KCNK10: variants seen among roughly 807,000 people sequenced by gnomAD.
The protein encoded by KCNK10 is potassium two pore domain channel subfamily K member 10, also known as potassium channel subfamily K member 10.
Under a neutral mutation model 47.7 loss-of-function variants are expected in KCNK10, and 25 were observed. That is an observed-to-expected ratio of 0.52 (90% CI 0.38 to 0.73). KCNK10 has a LOEUF of 0.73. Ranked by LOEUF, KCNK10 falls within the 30% of genes least tolerant of loss-of-function variation. The pLI is 0.00. For synonymous variants in KCNK10, 303 were observed against 285.6 expected, an observed-to-expected ratio of 1.06 and a Z score of -0.61; for missense variants, 563 against 714.5, an observed-to-expected ratio of 0.79 and a Z score of 2.42.
At chr14:88,227,280 A>G in intron 4 of KCNK10, 95 bp downstream of exon 4, 1 of 1,006,350 alleles carries the variant, frequency 9.9e-7, no homozygotes, top group Non-Finnish European at 1.4e-6. Flanking sequence ...TTCCATTAAA[A>G]GCAGACAATG....
At chr14:88,299,718 G>A (rs573518059) in intron 1 of KCNK10, among the ~76,000 whole-genome samples, 1 of 152,242 alleles carries the variant, frequency 6.6e-6, no homozygotes, top group African/African-American at 2.4e-5. Context: ...TTGGGGTAAG[G>A]CTACATTTAT....
At chr14:88,187,909 T>A in intron 6 of KCNK10, 58 bp downstream of exon 6, 1 of 1,595,108 alleles carries the variant, frequency 6.3e-7, no homozygotes, top group South Asian at 1.1e-5. Flanking sequence ...GACAGGCAAT[T>A]CTGGACACAA....
Position 88,301,853 on chromosome 14 carries a change from G to A in KCNK10, c.52+20894C>T, listed in dbSNP as rs184539402. ...TTTATGCCGAGTGGAAAGAGGAACC[G>A]ATAGAGAATTTTAAGCTGCGGGTCA... is the stretch of plus-strand genomic sequence containing the variant. On this transcript the variant is annotated intron_variant, in intron 1 of 6. Coordinates refer to ENST00000319231, the MANE Select transcript of KCNK10 (RefSeq NM_138317.3). 1.4e-4 allele frequency among the ~76,000 whole-genome samples: 21 copies of A among 152,294 alleles called. No individual in the cohort carries two copies. In the East Asian group the frequency reaches 4.0e-3, roughly 29 times the overall value.
At chr14:88,274,670 G>C (rs971584834) in intron 1 of KCNK10, among the ~76,000 whole-genome samples, 1 of 151,578 alleles carries the variant, frequency 6.6e-6, no homozygotes, top group African/African-American at 2.4e-5. Flanking sequence ...CAAATAGCTA[G>C]AGGTACTTCG....
rs542316885 is a variant in KCNK10 at position 88,225,600 on chromosome 14, T to C, written c.681+1775A>G. On this transcript the variant is annotated intron_variant, in intron 4 of 6. Transcript: ENST00000319231. ...TCACTTCAAATATAGTAACTAGAAT[T>C]TTTTCTGCTAAGGAGGATTTCAAAA... is the stretch of plus-strand genomic sequence containing the variant. 6.6e-5 allele frequency among the ~76,000 whole-genome samples: 10 copies of C among 152,296 alleles called. 1 individual carries two copies. In the South Asian group the frequency reaches 8.3e-4, roughly 13 times the overall value.
At chr14:88,274,040 TC>T (rs1260294594) in intron 1 of KCNK10, among the ~76,000 whole-genome samples, 1 of 145,696 alleles carries the variant, frequency 6.9e-6, no homozygotes, top group South Asian at 2.3e-4. Flanking sequence ...CGGAGGGGTC[TC>T]CCCCCACCCC....
chr14:88,232,527 T>C (rs1473826549), intron 3 of KCNK10, among the ~76,000 whole-genome samples: 1 of 152,234 alleles, frequency 6.6e-6, no homozygotes, highest in Non-Finnish European at 1.5e-5. Flanking sequence ...CTTACTTACA[T>C]TGTATTAAGG....
chr14:88,243,530 C>G (rs1886539180), intron 2 of KCNK10, among the ~76,000 whole-genome samples: 1 of 152,224 alleles, frequency 6.6e-6, no homozygotes. Context: ...TAGCCATTGT[C>G]CCAGAATTTA....
At chr14:88,199,763 A>G (rs2139837331) in intron 4 of KCNK10, among the ~76,000 whole-genome samples, 1 of 152,330 alleles carries the variant, frequency 6.6e-6, no homozygotes, top group South Asian at 2.1e-4. Flanking sequence ...AGGCTACTAG[A>G]CAGAAGAACT....
intron 1 of KCNK10, among the ~76,000 whole-genome samples, chr14:88,264,364 C>T (rs897760158): frequency 3.3e-5 from 5 of 152,224 alleles, no homozygotes; most frequent in Admixed American, 6.5e-5. Flanking sequence ...TGTGCAACAA[C>T]GAACAGCCAC....
At chr14:88,210,829 G>GAA (rs71126970) in intron 4 of KCNK10, among the ~76,000 whole-genome samples, 29,849 of 138,286 alleles carry the variant, frequency 0.22, 3,845 homozygotes, top group Non-Finnish European at 0.29. Flanking sequence ...AAAGTTAAAG[G>GAA]AAAAAAAAAA....
intron 2 of KCNK10, among the ~76,000 whole-genome samples, chr14:88,245,079 G>C (rs1886592249): frequency 1.3e-5 from 2 of 152,118 alleles, no homozygotes; most frequent in Non-Finnish European, 2.9e-5. Flanking sequence ...CCAGTAAATG[G>C]CACGGGAGTG....
At chr14:88,226,883 G>C (rs1886004605) in intron 4 of KCNK10, among the ~76,000 whole-genome samples, 1 of 152,188 alleles carries the variant, frequency 6.6e-6, no homozygotes, top group Non-Finnish European at 1.5e-5. Context: ...AGAGATGGGA[G>C]AGAGAGAGAC....
chr14:88,275,444 A>T (rs1887505990), intron 1 of KCNK10, among the ~76,000 whole-genome samples: 1 of 151,822 alleles, frequency 6.6e-6, no homozygotes, highest in Non-Finnish European at 1.5e-5. Flanking sequence ...TTCCATCTCA[A>T]CCACTAACTC....
At chr14:88,248,571 A>T (rs1041658840) in intron 2 of KCNK10, among the ~76,000 whole-genome samples, 2 of 152,074 alleles carry the variant, frequency 1.3e-5, no homozygotes, top group Non-Finnish European at 2.9e-5. Flanking sequence ...TCTACAAAAA[A>T]TACAAAAATT....
At chr14:88,313,817 A>T (rs1888374261) in intron 1 of KCNK10, among the ~76,000 whole-genome samples, 1 of 152,252 alleles carries the variant, frequency 6.6e-6, no homozygotes, top group Non-Finnish European at 1.5e-5. Flanking sequence ...TTTGTTACAC[A>T]ATAATACAGT....
chr14:88,285,875 A>G (rs953063180), intron 1 of KCNK10, among the ~76,000 whole-genome samples: 2 of 152,136 alleles, frequency 1.3e-5, no homozygotes, highest in Admixed American at 6.5e-5. Flanking sequence ...CCCCCGTGAG[A>G]ACATCGAACC....
At chr14:88,289,834 A>G (rs1249316028) in intron 1 of KCNK10, among the ~76,000 whole-genome samples, 2 of 152,242 alleles carry the variant, frequency 1.3e-5, no homozygotes, top group African/African-American at 4.8e-5. Flanking sequence ...ATTCACTTGA[A>G]GTGCCTGGCA....
intron 1 of KCNK10, among the ~76,000 whole-genome samples, chr14:88,296,797 G>A (rs1180511671): frequency 6.6e-6 from 1 of 152,150 alleles, no homozygotes; most frequent in Non-Finnish European, 1.5e-5. Context: ...CCTAAAACTA[G>A]AGGCTTAACA....
Sources: allele counts gnomAD v4.1 joint callset (sites outside exome capture counted in the v4.1 genomes callset), GRCh38; gene constraint gnomAD v4.1.1; transcripts MANE v1.5; gene names NCBI Gene and HGNC (gene_info 2026-07-23, HGNC 2026-07-21).